The following OR2J3 variants were observed in gnomAD, a reference collection of about 807,000 sequenced individuals.
OR2J3 encodes olfactory receptor family 2 subfamily J member 3.
Under a neutral mutation model 18.5 loss-of-function variants are expected in OR2J3, and 13 were observed. The observed-to-expected ratio is 0.70, with a 90% CI of 0.46 to 1.12. The LOEUF (loss-of-function observed/expected upper bound fraction) is 1.12, where lower values mean the gene tolerates loss of function less well. Ranked by LOEUF, OR2J3 falls within the 50% of genes most tolerant of loss-of-function variation. The pLI, the probability that OR2J3 is intolerant of heterozygous loss-of-function variation, is 0.00. For synonymous variants in OR2J3, 142 were observed against 140.6 expected (o/e 1.01, Z -0.07); for missense variants, 321 against 371.6 (o/e 0.86, Z 1.12).
At position 29,114,316 on chromosome 6, in the gene OR2J3, A is replaced by T. The variant is rs1049603806; in HGVS notation, c.*1490A>T. The T allele has an allele frequency of 6.6e-6, 1 of 152,148 alleles. No individual in the cohort carries two copies. The highest frequency in any genetic ancestry group is 1.5e-5 in the Non-Finnish European group (1 of 68,012). 9.4% of individuals were successfully genotyped at this position (152,148 alleles called of 1,614,324 possible). Reference sequence around the variant, plus strand: ...GAATTGGGACCACATACGGTAAAACATCACATAAAAACACATTTTTAAAAA... The same window carrying T: ...GAATTGGGACCACATACGGTAAAACTTCACATAAAAACACATTTTTAAAAA... On this transcript the variant is annotated 3_prime_UTR_variant, in exon 4 of 4. Transcript: ENST00000641151.
Position 29,112,159 on chromosome 6 carries a change from G to A in OR2J3, c.269G>A (p.Gly90Asp). 6.2e-7 allele frequency: 1 copy of A among 1,614,034 alleles called. No homozygotes were observed. The highest frequency in any genetic ancestry group is 8.5e-7 in the Non-Finnish European group (1 of 1,180,004). ...CCTCAGTTGCTGGTCAATCTCTGGG[G>A]CCCGGAAAAGACCATCTCTTATGCT... The part of the protein sequence containing the change: ...SIPQLLVNLW[G>D]PEKTISYAGC... The change falls in exon 4 of 4, where the codon GGC becomes GAC. Residue 90 changes from glycine to aspartate, a missense_variant. Gly to Asp is a moderately conservative substitution (Grantham distance 94). Coordinates refer to ENST00000641151, the MANE Select transcript of OR2J3 (RefSeq NM_001005216.4).
chr6:29,112,170 A>G lies in OR2J3; in HGVS notation c.280A>G (p.Thr94Ala), dbSNP rs757920317. 1.2e-6 allele frequency: 2 copies of G among 1,614,030 alleles called. No homozygotes were observed. Among genetic ancestry groups the G allele is most frequent in the African/African-American group, 1.3e-5 (1 of 74,986 alleles). The change falls in exon 4 of 4, where the codon ACC becomes GCC. Residue 94 changes from threonine to alanine, a missense_variant. By Grantham distance (58) the Thr-to-Ala change is moderately conservative (BLOSUM62 0). Coordinates refer to ENST00000641151, the MANE Select transcript of OR2J3 (RefSeq NM_001005216.4). ...LLVNLWGPEK[T>A]ISYAGCMIQL... ...GGTCAATCTCTGGGGCCCGGAAAAGACCATCTCTTATGCTGGTTGCATGAT... is the reference window on the plus strand; with the variant it reads ...GGTCAATCTCTGGGGCCCGGAAAAGGCCATCTCTTATGCTGGTTGCATGAT...
rs201161327 is a variant in OR2J3 at position 29,112,094 on chromosome 6, C to G, written c.204C>G (p.Asn68Lys). The G allele has an allele frequency of 6.2e-7, 1 of 1,613,974 alleles. No individual in the cohort carries two copies. Among genetic ancestry groups the G allele is most frequent in the Non-Finnish European group, 8.5e-7 (1 of 1,180,042 alleles). The change falls in exon 4 of 4, where the codon AAC becomes AAG. Residue 68 changes from asparagine to lysine, a missense_variant. Coordinates refer to ENST00000641151, the MANE Select transcript of OR2J3 (RefSeq NM_001005216.4). ...CACCAATGTACTTCTTCCTTTCAAA[C>G]CTCTCATTTCTGGATCTCTGCTACA... The part of the protein sequence containing the change: ...LHTPMYFFLS[N>K]LSFLDLCYTT...
intron 3 of OR2J3, 66 bp from the exon 4 acceptor site, chr6:29,111,815 G>A (rs1762133886): frequency 4.1e-6 from 6 of 1,448,060 alleles, no homozygotes; most frequent in Non-Finnish European, 5.6e-6. Context: ...TTATTCATGT[G>A]TGCTGATATT....
Position 29,113,111 on chromosome 6 carries a change from G to A in OR2J3, c.*285G>A, listed in dbSNP as rs750590275. On this transcript the variant is annotated 3_prime_UTR_variant, in exon 4 of 4. Transcript: ENST00000641151. Reference sequence around the variant, plus strand: ...AATGTATCCAAGACAGACATTTCTCGATTGAAAATAAGGCATGAAATTTGT... The same window carrying A: ...AATGTATCCAAGACAGACATTTCTCAATTGAAAATAAGGCATGAAATTTGT... 2.6e-5 allele frequency: 9 copies of A among 340,206 alleles called. No homozygotes were observed. The highest frequency in any genetic ancestry group is 6.3e-5 in the African/African-American group (3 of 47,296). 21.1% of individuals were successfully genotyped at this position (340,206 alleles called of 1,614,324 possible).
rs372625882 is a variant in OR2J3 at position 29,112,315 on chromosome 6, G to A, written c.425G>A (p.Arg142His). The change falls in exon 4 of 4, where the codon CGT (arginine) becomes CAT (histidine). Residue 142 changes from arginine (R) to histidine (H), a missense_variant. Transcript: ENST00000641151. ...PLHYTVLMHP[R>H]FCHLLAVASW... ...CATTACACTGTCCTCATGCACCCTC[G>A]TTTCTGCCACCTGCTGGCTGTGGCT... The A allele has an allele frequency of 3.1e-6, 5 of 1,613,956 alleles. No individual in the cohort carries two copies. The highest frequency in any genetic ancestry group is 1.3e-5 in the African/African-American group (1 of 74,868).
In OR2J3 at chr6:29,113,898, C is replaced by G. The variant is rs1279264856; in HGVS notation, c.*1072C>G. The stretch of plus-strand genomic sequence containing the variant: ...TTCGTTTGAAATAATTGCGCTATAC[C>G]TAGAGCAATTTAAACTGACAGTCAT... On this transcript the variant is annotated 3_prime_UTR_variant, in exon 4 of 4. Transcript: ENST00000641151. 6.6e-6 allele frequency: 1 copy of G among 151,754 alleles called. No homozygotes were observed. Among genetic ancestry groups the G allele is most frequent in the Non-Finnish European group, 1.5e-5 (1 of 67,950 alleles). The allele number at this position is 151,754 out of a possible 1,614,324, so 9.4% of individuals were successfully genotyped here.
At chr6:29,108,345 A>G (rs1762001512) in intron 1 of OR2J3, 50 bp downstream of exon 1, 1 of 152,186 alleles carries the variant, frequency 6.6e-6, no homozygotes, top group Non-Finnish European at 1.5e-5. Flanking sequence ...TTGGCCAGTG[A>G]CATGGGGATG....
chr6:29,110,976 T>A (rs1446508129), intron 3 of OR2J3, among the ~76,000 whole-genome samples: 1 of 152,168 alleles, frequency 6.6e-6, no homozygotes, highest in East Asian at 1.9e-4. Flanking sequence ...CTTTATTCAG[T>A]GTTTTTTGTC....
rs1356660049 is a variant in OR2J3 at position 29,108,258 on chromosome 6, G to C, written c.-218G>C. ...AATGTGGACAGATACAGGAAGGACA[G>C]AGTGAAAGGCATTGTTTGAGTACTG... On this transcript the variant is annotated 5_prime_UTR_variant, in exon 1 of 4. Coordinates refer to ENST00000641151, the MANE Select transcript of OR2J3 (RefSeq NM_001005216.4). 6.6e-6 allele frequency: 1 copy of C among 152,192 alleles called. No homozygotes were observed. The highest frequency in any genetic ancestry group is 2.4e-5 in the African/African-American group (1 of 41,434). 9.4% of individuals were successfully genotyped at this position (152,192 alleles called of 1,614,324 possible). A position where few individuals can be genotyped will look rare whatever the true frequency, so the allele number is the denominator to read the frequency against.
chr6:29,113,489 G>C lies in OR2J3; in HGVS notation c.*663G>C, dbSNP rs974710568. Reference sequence around the variant, plus strand: ...TTTGCAAGGCAGTGAGAAATATATAGGAAGTAAAAGGAGCTGGTAAAGCTG... The same window carrying C: ...TTTGCAAGGCAGTGAGAAATATATACGAAGTAAAAGGAGCTGGTAAAGCTG... On this transcript the variant is annotated 3_prime_UTR_variant, in exon 4 of 4. Transcript: ENST00000641151. The C allele has an allele frequency of 6.6e-6, 1 of 152,146 alleles. No individual in the cohort carries two copies. Among genetic ancestry groups the C allele is most frequent in the African/African-American group, 2.4e-5 (1 of 41,412 alleles). The allele number at this position is 152,146 out of a possible 1,614,324, so 9.4% of individuals were successfully genotyped here. A position where few individuals can be genotyped will look rare whatever the true frequency, so the allele number is the denominator to read the frequency against.
At position 29,113,977 on chromosome 6, in the gene OR2J3, C is replaced by G. The variant is rs1762243399; in HGVS notation, c.*1151C>G. 1 of 152,150 alleles carries G rather than the reference C, an allele frequency of 6.6e-6. No homozygotes were observed. Among genetic ancestry groups the G allele is most frequent in the African/African-American group, 2.4e-5 (1 of 41,446 alleles). 9.4% of individuals were successfully genotyped at this position (152,150 alleles called of 1,614,324 possible). On this transcript the variant is annotated 3_prime_UTR_variant, in exon 4 of 4. Transcript: ENST00000641151. ...GGAGAATTCAGTATAAAGTAACGTA[C>G]TTGCAATGCCTGAGTTTTCTCTATA...
chr6:29,112,410 C>T lies in OR2J3; in HGVS notation c.520C>T (p.His174Tyr). 2 of 1,614,114 alleles carry T rather than the reference C, an allele frequency of 1.2e-6. No homozygotes were observed. Among genetic ancestry groups the T allele is most frequent in the Non-Finnish European group, 1.7e-6 (2 of 1,180,016 alleles). ...CACCTTCTGGGTACCTCTGTGTGGACACCGCCAAGTAGATCACTTTTTCTG... is the reference window on the plus strand; with the variant it reads ...CACCTTCTGGGTACCTCTGTGTGGATACCGCCAAGTAGATCACTTTTTCTG... ...SFTFWVPLCG[H>Y]RQVDHFFCEV... is the part of the protein sequence containing the mutation. Residue 174 changes from histidine (H) to tyrosine (Y), a missense_variant, in exon 4 of 4, where the codon CAC (histidine) becomes TAC (tyrosine). By Grantham distance (83) the His-to-Tyr change is moderately conservative. Coordinates refer to ENST00000641151, the MANE Select transcript of OR2J3 (RefSeq NM_001005216.4).
rs1417262210 is a variant in OR2J3, at chr6:29,112,665, A to G, written c.775A>G (p.Met259Val). The G allele has an allele frequency of 5.0e-6, 8 of 1,613,666 alleles. No homozygotes were observed. In the Admixed American group the frequency reaches 5.0e-5, roughly 10 times the overall value. Residue 259 changes from methionine (M) to valine (V), a missense_variant, in exon 4 of 4, where the codon ATG becomes GTG. Transcript: ENST00000641151. ...MAVSLFFIPA[M>V]CMYLQPPSGN... ...TGTATCTCTCTTTTTCATTCCGGCC[A>G]TGTGCATGTATCTCCAGCCACCATC...
At chr6:29,108,365 G>A (rs1321260835) in intron 1 of OR2J3, 70 bp downstream of exon 1, 1 of 152,164 alleles carries the variant, frequency 6.6e-6, no homozygotes, top group Non-Finnish European at 1.5e-5. Context: ...GGGGAAAAGA[G>A]ATTATTTTCT....
chr6:29,114,665 T>C lies in OR2J3; in HGVS notation c.*1839T>C, dbSNP rs967089898. 2 of 152,246 alleles carry C rather than the reference T, an allele frequency of 1.3e-5. No individual in the cohort carries two copies. Among genetic ancestry groups the C allele is most frequent in the Middle Eastern group, 3.4e-3 (1 of 294 alleles). 9.4% of individuals were successfully genotyped at this position (152,246 alleles called of 1,614,324 possible). A position where few individuals can be genotyped will look rare whatever the true frequency, so the allele number is the denominator to read the frequency against. ...ACAGTATTATTAGCTATAGTCACCA[T>C]ACCGTAGAATAGATCTCTTGAATTT... On this transcript the variant is annotated 3_prime_UTR_variant, in exon 4 of 4. Transcript: ENST00000641151.
intron 3 of OR2J3, among the ~76,000 whole-genome samples, chr6:29,110,855 TTATC>T (rs9280546): frequency 0.39 from 57,983 of 149,030 alleles, 11,990 homozygotes; most frequent in Middle Eastern, 0.47. Flanking sequence ...ATCTATCTAT[TTATC>T]TATCTATCTA....
chr6:29,112,797 G>T lies in OR2J3; in HGVS notation c.907G>T (p.Ala303Ser). The change falls in exon 4 of 4, where the codon GCA (alanine) becomes TCA (serine). Residue 303 changes from alanine (A) to serine (S), a missense_variant. By Grantham distance (99) the Ala-to-Ser change is moderately conservative (BLOSUM62 1). Coordinates refer to ENST00000641151, the MANE Select transcript of OR2J3 (RefSeq NM_001005216.4). ...YTLRNKVVRGAVKRLMGWE is the reference protein window; with the variant it reads ...YTLRNKVVRGSVKRLMGWE ...CCTCAGAAACAAAGTTGTAAGAGGG[G>T]CAGTGAAGAGACTAATGGGGTGGGA... The T allele has an allele frequency of 6.2e-7, 1 of 1,613,402 alleles. No individual in the cohort carries two copies. Among genetic ancestry groups the T allele is most frequent in the South Asian group, 1.1e-5 (1 of 91,038 alleles).
At chr6:29,110,651 A>C (rs1473651466) in intron 3 of OR2J3, among the ~76,000 whole-genome samples, 3 of 152,132 alleles carry the variant, frequency 2.0e-5, no homozygotes, top group African/African-American at 7.2e-5. Flanking sequence ...ATTTTTCTAT[A>C]ATAAGGCAAA....
Sources: gnomAD v4.1 joint callset for allele counts (sites outside exome capture counted in the v4.1 genomes callset) on GRCh38, gnomAD v4.1.1 for gene constraint, MANE v1.5 for transcripts, NCBI Gene and HGNC (gene_info 2026-07-23, HGNC 2026-07-21) for gene names.